The following AKAP6 variants were observed in gnomAD, a reference collection of about 807,000 sequenced individuals.
AKAP6 encodes A-kinase anchor protein 6.
Under a neutral mutation model 188.5 loss-of-function variants are expected in AKAP6, and 58 were observed. The observed-to-expected ratio is 0.31, with a 90% CI of 0.25 to 0.38. The LOEUF (loss-of-function observed/expected upper bound fraction) is 0.38. AKAP6 is among the 10% of genes least tolerant of loss of function. The pLI is 1.00. For missense variants in AKAP6, 2,710 were observed against 2,740.0 expected, an observed-to-expected ratio of 0.99 and a Z score of 0.24; for synonymous variants, 989 against 998.6, an observed-to-expected ratio of 0.99 and a Z score of 0.18.
intron 12 of AKAP6, among the ~76,000 whole-genome samples, chr14:32,798,485 A>G (rs1038465206): frequency 1.3e-5 from 2 of 152,230 alleles, no homozygotes; most frequent in Non-Finnish European, 1.5e-5. Context: ...ATGCCCATCA[A>G]CAATAGACTG....
chr14:32,417,660 A>G (rs1047706899), intron 1 of AKAP6: 7 of 152,342 alleles, frequency 4.6e-5, no homozygotes, highest in Non-Finnish European at 8.8e-5. Context: ...AAAAACTGTC[A>G]GGCCGATATA....
chr14:32,376,683 G>A (rs1379147178), intron 1 of AKAP6, among the ~76,000 whole-genome samples: 1 of 152,100 alleles, frequency 6.6e-6, no homozygotes, highest in African/African-American at 2.4e-5. Flanking sequence ...AGAATAAGAA[G>A]GGTATATGTT....
chr14:32,768,314 T>C (rs1226359658), intron 11 of AKAP6, among the ~76,000 whole-genome samples: 2 of 152,216 alleles, frequency 1.3e-5, no homozygotes, highest in African/African-American at 4.8e-5. Flanking sequence ...TTTTGCTTTA[T>C]TATGTGTGCT....
intron 1 of AKAP6, among the ~76,000 whole-genome samples, chr14:32,369,699 G>A (rs17098909): frequency 0.016 from 2,400 of 152,252 alleles, 61 homozygotes; most frequent in African/African-American, 0.054. Context: ...TGGTTGGCTT[G>A]CTCCAAATAT....
intron 9 of AKAP6, among the ~76,000 whole-genome samples, chr14:32,712,975 AT>A (rs1334908859): frequency 1.5e-5 from 2 of 133,414 alleles, no homozygotes; most frequent in Non-Finnish European, 3.4e-5. Context: ...ATCACTATCT[AT>A]GGCAGCTATA....
chr14:32,621,333 A>G (rs890345739), intron 7 of AKAP6, among the ~76,000 whole-genome samples: 1 of 151,986 alleles, frequency 6.6e-6, no homozygotes, highest in Non-Finnish European at 1.5e-5. Context: ...CTTTCCTCTT[A>G]CCATTGCTTT....
intron 7 of AKAP6, among the ~76,000 whole-genome samples, chr14:32,671,847 A>G (rs1889210599): frequency 6.6e-6 from 1 of 152,212 alleles, no homozygotes; most frequent in African/African-American, 2.4e-5. Flanking sequence ...TGCTTAACCC[A>G]ACAAAGAATT....
chr14:32,342,305 C>G (rs1187314900), intron 1 of AKAP6, among the ~76,000 whole-genome samples: 1 of 152,170 alleles, frequency 6.6e-6, no homozygotes, highest in Non-Finnish European at 1.5e-5. Context: ...AACTTCCTGT[C>G]TGGAATTAAG....
chr14:32,603,039 AG>A (rs1272647726), intron 7 of AKAP6, among the ~76,000 whole-genome samples: 1 of 152,194 alleles, frequency 6.6e-6, no homozygotes, highest in African/African-American at 2.4e-5. Flanking sequence ...AGGAAAGAAA[AG>A]GGAGTCACAA....
intron 9 of AKAP6, among the ~76,000 whole-genome samples, chr14:32,697,879 C>G (rs999720463): frequency 6.6e-6 from 1 of 152,130 alleles, no homozygotes; most frequent in Non-Finnish European, 1.5e-5. Context: ...CATTATTCCA[C>G]CCACTCAGAA....
At chr14:32,727,906 G>A (rs2030952729) in intron 9 of AKAP6, among the ~76,000 whole-genome samples, 1 of 152,152 alleles carries the variant, frequency 6.6e-6, no homozygotes, top group African/African-American at 2.4e-5. Context: ...TGAAGTGTTG[G>A]TGGTACTGAC....
At chr14:32,558,432 A>C (rs1883784198) in intron 4 of AKAP6, among the ~76,000 whole-genome samples, 1 of 152,162 alleles carries the variant, frequency 6.6e-6, no homozygotes, top group African/African-American at 2.4e-5. Context: ...AGATAATACA[A>C]ATGTAGCTTG....
chr14:32,466,846 T>TATATATATATATA (rs879653303), intron 2 of AKAP6, among the ~76,000 whole-genome samples: 248 of 142,562 alleles, frequency 1.7e-3, no homozygotes, highest in Middle Eastern at 7.3e-3. Context: ...TATATATATA[T>TATATATATATATA]TTTCTTTCTT....
intron 7 of AKAP6, among the ~76,000 whole-genome samples, chr14:32,606,986 T>C (rs955787781): frequency 6.6e-6 from 1 of 152,142 alleles, no homozygotes; most frequent in African/African-American, 2.4e-5. Context: ...AGAGGGCAAG[T>C]CTAGTGTTAG....
chr14:32,827,963 T>G (rs560716261), intron 13 of AKAP6, among the ~76,000 whole-genome samples: 26 of 152,158 alleles, frequency 1.7e-4, no homozygotes, highest in Non-Finnish European at 2.8e-4. Flanking sequence ...TGTTTTACTA[T>G]GTGTATGTGT....
intron 11 of AKAP6, among the ~76,000 whole-genome samples, chr14:32,750,788 G>A (rs1390514424): frequency 2.1e-5 from 3 of 141,534 alleles, no homozygotes; most frequent in Non-Finnish European, 4.5e-5. Flanking sequence ...TGTCACCCAC[G>A]CTGGAGTGCA....
At chr14:32,695,627 C>T (rs994871447) in intron 8 of AKAP6, among the ~76,000 whole-genome samples, 5 of 152,130 alleles carry the variant, frequency 3.3e-5, no homozygotes, top group African/African-American at 9.7e-5. Context: ...TAACCTTCTA[C>T]AAGTCACTGA....
At chr14:32,813,750 T>A (rs1381391211) in intron 12 of AKAP6, among the ~76,000 whole-genome samples, 1 of 152,170 alleles carries the variant, frequency 6.6e-6, no homozygotes, top group Admixed American at 6.5e-5. Flanking sequence ...ATCCTTATAT[T>A]TTTTTGTATT....
chr14:32,408,473 G>A (rs1421637044), intron 1 of AKAP6, among the ~76,000 whole-genome samples: 1 of 150,140 alleles, frequency 6.7e-6, no homozygotes, highest in Non-Finnish European at 1.5e-5. Context: ...CTGGTTTTGG[G>A]TGATGGTTTT....
Sources: gnomAD v4.1 joint callset for allele counts (sites outside exome capture counted in the v4.1 genomes callset) on GRCh38, gnomAD v4.1.1 for gene constraint, MANE v1.5 for transcripts, NCBI Gene and HGNC (gene_info 2026-07-23, HGNC 2026-07-21) for gene names.